The following STAB2 variants were observed in gnomAD, a reference collection of about 807,000 sequenced individuals.
STAB2 encodes the protein stabilin-2.
In STAB2, 288 loss-of-function variants were observed where a neutral mutation model predicts 338.1. The observed-to-expected ratio is 0.85, with a 90% CI of 0.77 to 0.94. The LOEUF is 0.94. Ranked by LOEUF, STAB2 falls within the 40% of genes least tolerant of loss-of-function variation. The pLI, the probability that STAB2 is intolerant of heterozygous loss-of-function variation, is 0.00. For missense variants in STAB2, 3,141 were observed against 3,210.1 expected, an observed-to-expected ratio of 0.98 and a Z score of 0.52; for synonymous variants, 1,202 against 1,193.3, an observed-to-expected ratio of 1.01 and a Z score of -0.15.
chr12:103,684,844 A>T, intron 26 of STAB2, 145 bp from the exon 27 acceptor site: 1 of 592,904 alleles, frequency 1.7e-6, no homozygotes, highest in South Asian at 2.4e-5. Flanking sequence ...TCACTGCAAC[A>T]CTAAAGGGTC....
At chr12:103,752,521 G>A (rs1883756707) in intron 60 of STAB2, among the ~76,000 whole-genome samples, 1 of 152,182 alleles carries the variant, frequency 6.6e-6, no homozygotes, top group South Asian at 2.1e-4. Flanking sequence ...GTTAGGAAAG[G>A]TATCAGCTAT....
At chr12:103,640,459 GA>G (rs1240138837) in intron 9 of STAB2, among the ~76,000 whole-genome samples, 5 of 151,416 alleles carry the variant, frequency 3.3e-5, no homozygotes, top group African/African-American at 7.3e-5. Flanking sequence ...TCCTTTATAT[GA>G]CCATTAGAAT....
intron 41 of STAB2, 23 bp downstream of exon 41, chr12:103,712,466 TG>T: frequency 8.8e-6 from 14 of 1,589,688 alleles, no homozygotes; most frequent in East Asian, 2.2e-5. Flanking sequence ...AGGAATTTGC[TG>T]GGGGGGCTGG....
At chr12:103,725,584 G>A (rs866779406) in intron 45 of STAB2, among the ~76,000 whole-genome samples, 3 of 151,966 alleles carry the variant, frequency 2.0e-5, no homozygotes, top group Non-Finnish European at 4.4e-5. Flanking sequence ...GTGTGTACAC[G>A]TGTGTGTGCA....
rs150636745 is a variant in STAB2 at position 103,695,601 on chromosome 12, C to A, written c.3427C>A (p.Arg1143=). Residue 1143 remains arginine, a synonymous_variant, in exon 32 of 69, where the codon CGG becomes AGG. Transcript: ENST00000388887. The part of the protein sequence containing the change: ...LTGSLPNLLM[R]LEQMPDYSIF... ...TGGCTCCTTACCAAACCTGCTCATG[C>A]GGCTGGAACAGATGCCTGACTATTC... The A allele has an allele frequency of 5.1e-5, 83 of 1,614,042 alleles. No homozygotes were observed. The highest frequency in any genetic ancestry group is 6.8e-5 in the Non-Finnish European group (80 of 1,180,026).
chr12:103,745,390 G>C (rs1882948390), intron 57 of STAB2, 113 bp downstream of exon 57: 3 of 906,360 alleles, frequency 3.3e-6, no homozygotes, highest in Non-Finnish European at 3.2e-6. Flanking sequence ...TGACAAAGCA[G>C]GTCCATGTGG....
chr12:103,749,587 T>C (rs1323488934), intron 59 of STAB2, among the ~76,000 whole-genome samples: 1 of 150,638 alleles, frequency 6.6e-6, no homozygotes, highest in East Asian at 1.9e-4. Context: ...CCCAGTACTT[T>C]GGGAGGCCGA....
At chr12:103,690,229 G>A (rs1243026371) in intron 29 of STAB2, among the ~76,000 whole-genome samples, 195 bp from the exon 30 acceptor site, 3 of 152,160 alleles carry the variant, frequency 2.0e-5, no homozygotes, top group Non-Finnish European at 4.4e-5. Flanking sequence ...ATATTGTAAT[G>A]ATTCCCATTT....
chr12:103,727,708 T>C (rs954698272), intron 47 of STAB2, among the ~76,000 whole-genome samples: 1 of 152,156 alleles, frequency 6.6e-6, no homozygotes, highest in African/African-American at 2.4e-5. Flanking sequence ...TCTTGCAGGA[T>C]TTATCAGAGC....
At position 103,690,531 on chromosome 12, in the gene STAB2, T is replaced by G. The variant is rs980119048; in HGVS notation, c.3290T>G (p.Val1097Gly). ...LQGNFLHLAK[V>G]DGNITIEGAS... ...GGCAACTTCCTTCACTTGGCAAAGG[T>G]GGATGGGGTAAGAGCTCTGGAATTT... Residue 1097 changes from valine (V) to glycine (G), a missense_variant, in exon 30 of 69, where the codon GTG (valine) becomes GGG (glycine). Transcript: ENST00000388887. 3.7e-6 allele frequency: 6 copies of G among 1,613,748 alleles called. No individual in the cohort carries two copies. Among genetic ancestry groups the G allele is most frequent in the Admixed American group, 1.7e-5 (1 of 59,956 alleles).
chr12:103,608,001 C>A (rs1957059590), intron 3 of STAB2, among the ~76,000 whole-genome samples: 1 of 152,176 alleles, frequency 6.6e-6, no homozygotes, highest in African/African-American at 2.4e-5. Context: ...ACAGTCCCAC[C>A]AACTGTGTAA....
intron 34 of STAB2, 37 bp downstream of exon 34, chr12:103,699,264 C>T (rs748553525): frequency 1.1e-5 from 18 of 1,585,184 alleles, no homozygotes; most frequent in African/African-American, 4.0e-5. Flanking sequence ...GCAATGCCAC[C>T]GAGAATTACA....
rs1468799419 is a variant in STAB2, at chr12:103,750,574, C to T, written c.6439-5C>T. The T allele has an allele frequency of 1.2e-6, 2 of 1,613,760 alleles. No individual in the cohort carries two copies. The highest frequency in any genetic ancestry group is 1.7e-6 in the Non-Finnish European group (2 of 1,179,828). On this transcript the variant is annotated splice_region_variant and splice_polypyrimidine_tract_variant and intron_variant, in intron 59 of 68. Coordinates refer to ENST00000388887, the MANE Select transcript of STAB2 (RefSeq NM_017564.10). ...TTTTCATCTCTTCCCACTCTCCCTC[C>T]ACAGGGCAAGCACAAGTGTGAGTGT...
chr12:103,713,321 G>A (rs758642403), intron 41 of STAB2, among the ~76,000 whole-genome samples: 8 of 152,142 alleles, frequency 5.3e-5, no homozygotes, highest in Non-Finnish European at 8.8e-5. Context: ...GGTCCAGATT[G>A]TGGCAGCACT....
chr12:103,725,626 G>A (rs369187994), intron 45 of STAB2, among the ~76,000 whole-genome samples: 52 of 152,204 alleles, frequency 3.4e-4, no homozygotes, highest in African/African-American at 1.2e-3. Context: ...GTGTGTGCAT[G>A]CAGGTGCATA....
At chr12:103,716,548 A>G (rs1244136665) in intron 43 of STAB2, among the ~76,000 whole-genome samples, 1 of 152,180 alleles carries the variant, frequency 6.6e-6, no homozygotes, top group Non-Finnish European at 1.5e-5. Flanking sequence ...TGCTCTATTG[A>G]CCTAGTTGAG....
At chr12:103,754,632 G>A (rs1425704794) in intron 61 of STAB2, among the ~76,000 whole-genome samples, 1 of 152,040 alleles carries the variant, frequency 6.6e-6, no homozygotes, top group Non-Finnish European at 1.5e-5. Context: ...AACGATGAGA[G>A]CAATGATGAT....
chr12:103,691,660 C>G (rs1180754056), intron 30 of STAB2, among the ~76,000 whole-genome samples: 1 of 152,146 alleles, frequency 6.6e-6, no homozygotes, highest in Non-Finnish European at 1.5e-5. Flanking sequence ...CCTACAGATT[C>G]AGAGGTAAAT....
In STAB2 at chr12:103,750,654, G is replaced by A. The variant is rs1271118781; in HGVS notation, c.6514G>A (p.Asp2172Asn). ...LNCEPEQLPI[D>N]RCLQDNGQCH... ...CTGTGAGCCGGAGCAGCTGCCCATT[G>A]ACCGCTGCTTACAGGACAATGGGCA... The change falls in exon 60 of 69, where the codon GAC becomes AAC. Residue 2172 changes from aspartate (D) to asparagine (N), a missense_variant. Coordinates refer to ENST00000388887, the MANE Select transcript of STAB2 (RefSeq NM_017564.10). 6.2e-7 allele frequency: 1 copy of A among 1,614,222 alleles called. No individual in the cohort carries two copies. Among genetic ancestry groups the A allele is most frequent in the South Asian group, 1.1e-5 (1 of 91,084 alleles).
Sources: allele counts gnomAD v4.1 joint callset (sites outside exome capture counted in the v4.1 genomes callset), GRCh38; gene constraint gnomAD v4.1.1; transcripts MANE v1.5; gene names NCBI Gene and HGNC (gene_info 2026-07-23, HGNC 2026-07-21).